Variants in DNER observed in about 807,000 individuals in gnomAD.
The protein encoded by DNER is delta and Notch-like epidermal growth factor-related receptor.
In DNER, 33 loss-of-function variants were observed where a neutral mutation model predicts 78.2. The ratio of observed to expected loss-of-function variants is 0.42; its 90% confidence interval spans 0.32 to 0.56. The LOEUF (loss-of-function observed/expected upper bound fraction) is 0.56. DNER is among the 20% of genes least tolerant of loss of function. The pLI is 0.11. For missense variants in DNER, 918 were observed against 975.3 expected, an observed-to-expected ratio of 0.94 and a Z score of 0.78; for synonymous variants, 417 against 384.8, an observed-to-expected ratio of 1.08 and a Z score of -0.98.
At chr2:229,402,097 A>G (rs1204344816) in intron 10 of DNER, among the ~76,000 whole-genome samples, 1 of 152,158 alleles carries the variant, frequency 6.6e-6, no homozygotes, top group Non-Finnish European at 1.5e-5. Context: ...ACCATCTTGA[A>G]GTAGACAAAG....
chr2:229,453,920 TAAAAAAAAAAA>T (rs10602558), intron 7 of DNER, among the ~76,000 whole-genome samples: 2 of 106,864 alleles, frequency 1.9e-5, no homozygotes, highest in African/African-American at 3.3e-5. Flanking sequence ...TAAAATATAT[TAAAAAAAAAAA>T]AAAAAAAAAA....
rs555824329 is a variant in DNER at position 229,609,187 on chromosome 2, C to A, written c.277-17299G>T. On this transcript the variant is annotated intron_variant, in intron 1 of 12. Transcript: ENST00000341772. Reference sequence around the variant, plus strand: ...GCAGTGAGCTAAGATCACGCCACTGCACTCCAGCTTGGGCAACAAGAGTGA... The same window carrying A: ...GCAGTGAGCTAAGATCACGCCACTGAACTCCAGCTTGGGCAACAAGAGTGA... Among the ~76,000 whole-genome samples the A allele has an allele frequency of 1.4e-4, 21 of 152,274 alleles. 1 individual carries two copies. Among genetic ancestry groups the A allele is most frequent in the African/African-American group, 4.6e-4 (19 of 41,544 alleles).
intron 1 of DNER, among the ~76,000 whole-genome samples, chr2:229,610,507 A>G (rs1016716790): frequency 6.6e-6 from 1 of 152,190 alleles, no homozygotes; most frequent in African/African-American, 2.4e-5. Flanking sequence ...TTGGGTTTGC[A>G]TTTGCTCCGT....
intron 1 of DNER, among the ~76,000 whole-genome samples, chr2:229,678,770 C>A (rs893798248): frequency 6.6e-6 from 1 of 152,142 alleles, no homozygotes; most frequent in Non-Finnish European, 1.5e-5. Context: ...GGGCAGTATA[C>A]CGTCACATGA....
intron 1 of DNER, among the ~76,000 whole-genome samples, chr2:229,595,441 C>T (rs1013064504): frequency 6.6e-6 from 1 of 151,464 alleles, no homozygotes; most frequent in South Asian, 2.1e-4. Flanking sequence ...GCCACCACAC[C>T]TAGCTAATTT....
chr2:229,705,205 T>C (rs1356975389), intron 1 of DNER, among the ~76,000 whole-genome samples: 1 of 152,196 alleles, frequency 6.6e-6, no homozygotes, highest in Non-Finnish European at 1.5e-5. Context: ...ATGTCTTCCA[T>C]AAAGGAGTTT....
At chr2:229,673,014 A>G (rs1266365351) in intron 1 of DNER, among the ~76,000 whole-genome samples, 1 of 152,194 alleles carries the variant, frequency 6.6e-6, no homozygotes, top group African/African-American at 2.4e-5. Flanking sequence ...ATGTTCCAGG[A>G]AGACCCACGC....
chr2:229,424,275 A>G (rs1424503006), intron 8 of DNER, among the ~76,000 whole-genome samples: 1 of 152,208 alleles, frequency 6.6e-6, no homozygotes, highest in Non-Finnish European at 1.5e-5. Flanking sequence ...ACCCAAGGCG[A>G]TGGGCATGAA....
chr2:229,662,213 G>C (rs1434052532), intron 1 of DNER, among the ~76,000 whole-genome samples: 6 of 152,152 alleles, frequency 3.9e-5, no homozygotes, highest in Non-Finnish European at 8.8e-5. Context: ...AGAACTTTCA[G>C]AGTCAGCACA....
At chr2:229,704,470 G>A (rs970164345) in intron 1 of DNER, among the ~76,000 whole-genome samples, 6 of 152,194 alleles carry the variant, frequency 3.9e-5, no homozygotes, top group African/African-American at 1.4e-4. Flanking sequence ...ATCAGTTAGT[G>A]AAAGGACAAA....
At chr2:229,679,752 T>G (rs1462558470) in intron 1 of DNER, among the ~76,000 whole-genome samples, 1 of 152,196 alleles carries the variant, frequency 6.6e-6, no homozygotes, top group Non-Finnish European at 1.5e-5. Flanking sequence ...TTTCTGCATT[T>G]GCTCACTGGG....
At chr2:229,603,641 G>A (rs573422654) in intron 1 of DNER, among the ~76,000 whole-genome samples, 10 of 152,276 alleles carry the variant, frequency 6.6e-5, no homozygotes, top group Admixed American at 2.6e-4. Context: ...AGGTGGGGAC[G>A]AGGAAGCTGC....
chr2:229,648,154 C>CG (rs1698752980), intron 1 of DNER, among the ~76,000 whole-genome samples: 1 of 152,174 alleles, frequency 6.6e-6, no homozygotes. Flanking sequence ...TGGGGAGGCA[C>CG]TGAGTTCTTC....
chr2:229,614,693 C>A (rs1698119560), intron 1 of DNER, among the ~76,000 whole-genome samples: 1 of 152,252 alleles, frequency 6.6e-6, no homozygotes, highest in Admixed American at 6.5e-5. Flanking sequence ...GCATAAGAGA[C>A]TGGGCTCCAG....
At chr2:229,471,658 A>C (rs1318463303) in intron 7 of DNER, among the ~76,000 whole-genome samples, 1 of 152,224 alleles carries the variant, frequency 6.6e-6, no homozygotes, top group Admixed American at 6.5e-5. Context: ...TATGTGACTT[A>C]ACCGAGGTTA....
chr2:229,430,575 A>G (rs2106354828), intron 8 of DNER, among the ~76,000 whole-genome samples: 1 of 152,146 alleles, frequency 6.6e-6, no homozygotes, highest in Non-Finnish European at 1.5e-5. Flanking sequence ...CCTGCCCTCG[A>G]ACATCAGACT....
intron 1 of DNER, among the ~76,000 whole-genome samples, chr2:229,605,056 AT>A (rs945032200): frequency 1.3e-5 from 2 of 151,524 alleles, no homozygotes; most frequent in Non-Finnish European, 1.5e-5. Context: ...GGGTTGTTTT[AT>A]TTTTTTTTCT....
chr2:229,390,025 A>T (rs534285870), intron 10 of DNER, among the ~76,000 whole-genome samples: 1 of 152,338 alleles, frequency 6.6e-6, no homozygotes, highest in Admixed American at 6.5e-5. Context: ...ATGGCATTAC[A>T]TGGCAGACTG....
intron 11 of DNER, among the ~76,000 whole-genome samples, chr2:229,387,891 GTT>G (rs869118536): frequency 0.033 from 1,861 of 57,038 alleles, 34 homozygotes; most frequent in African/African-American, 0.052. Flanking sequence ...GTGTGTGTGT[GTT>G]TTTTAATTTT....
Sources: gnomAD v4.1 joint callset for allele counts (sites outside exome capture counted in the v4.1 genomes callset) on GRCh38, gnomAD v4.1.1 for gene constraint, MANE v1.5 for transcripts, NCBI Gene and HGNC (gene_info 2026-07-23, HGNC 2026-07-21) for gene names.